SMARCA1: variants seen among roughly 807,000 people sequenced by gnomAD.
SMARCA1 encodes SWI/SNF-related matrix-associated actin-dependent regulator of chromatin subfamily A member 1.
Under a neutral mutation model 93.6 loss-of-function variants are expected in SMARCA1, and 17 were observed. The ratio of observed to expected loss-of-function variants is 0.18; its 90% CI spans 0.12 to 0.27. The LOEUF is 0.27. SMARCA1 is among the 10% of genes least tolerant of loss of function. The pLI is 1.00. For synonymous variants in SMARCA1, 271 were observed against 271.4 expected (o/e 1.00, Z 0.01); for missense variants, 630 against 819.0 (o/e 0.77, Z 2.82).
chrX:129,514,275 C>T (rs898106083), intron 5 of SMARCA1, among the ~76,000 whole-genome samples: 16 of 111,928 alleles, frequency 1.4e-4, no homozygotes, highest in African/African-American at 5.2e-4. Context: ...CGAGATCATG[C>T]CACTGCACTC....
intron 12 of SMARCA1, among the ~76,000 whole-genome samples, chrX:129,493,319 A>C (rs1020245078): frequency 8.9e-6 from 1 of 111,910 alleles, no homozygotes; most frequent in African/African-American, 3.2e-5. Context: ...CTTTACATAT[A>C]GTATATGAAG....
chrX:129,496,880 T>A lies in SMARCA1; in HGVS notation c.1505-9A>T. On this transcript the variant is annotated splice_polypyrimidine_tract_variant and intron_variant, in intron 11 of 24. Transcript: ENST00000371121. Reference sequence around the variant, plus strand: ...AATGAGAACCCTTGAACCTAAAACATTTCACCAAGAAAAAGTGAGTTGTAC... The same window carrying A: ...AATGAGAACCCTTGAACCTAAAACAATTCACCAAGAAAAAGTGAGTTGTAC... The A allele has an allele frequency of 8.4e-7, 1 of 1,191,326 alleles. No individual in the cohort carries two copies. The highest frequency in any genetic ancestry group is 3.0e-5 in the East Asian group (1 of 33,714).
chrX:129,462,173 G>T (rs190318690), intron 23 of SMARCA1, among the ~76,000 whole-genome samples: 1 of 111,984 alleles, frequency 8.9e-6, no homozygotes, highest in East Asian at 2.8e-4. Flanking sequence ...AAGCCAGATC[G>T]TTTTTAAAGG....
chrX:129,496,756 T>C lies in SMARCA1; in HGVS notation c.1620A>G (p.Glu540=). ...CRLDGQTPHE[E]REDKFLEVEF... Reference sequence around the variant, plus strand: ...TTTATTTTCTCTTCCTCACCTCTCTTTCTTCATGCGGGGTTTGTCCATCCA... The same window carrying C: ...TTTATTTTCTCTTCCTCACCTCTCTCTCTTCATGCGGGGTTTGTCCATCCA... Residue 540 remains glutamate, a synonymous_variant, in exon 12 of 25, where the codon GAA becomes GAG. Transcript: ENST00000371121. 8.3e-7 allele frequency: 1 copy of C among 1,204,765 alleles called. No homozygotes were observed. Among genetic ancestry groups the C allele is most frequent in the Non-Finnish European group, 1.1e-6 (1 of 892,476 alleles).
At chrX:129,510,300 G>A (rs1292056259) in intron 6 of SMARCA1, among the ~76,000 whole-genome samples, 1 of 112,578 alleles carries the variant, frequency 8.9e-6, no homozygotes, top group African/African-American at 3.2e-5. Context: ...CTCTCTCAAT[G>A]TTGCAGAAAA....
intron 8 of SMARCA1, among the ~76,000 whole-genome samples, chrX:129,505,221 C>T (rs1934764459): frequency 8.9e-6 from 1 of 111,899 alleles, no homozygotes; most frequent in South Asian, 3.7e-4. Flanking sequence ...AATTAACAGT[C>T]ATAATGGGGC....
At chrX:129,487,853 T>C (rs754207309) in intron 16 of SMARCA1, among the ~76,000 whole-genome samples, 31 of 112,369 alleles carry the variant, frequency 2.8e-4, no homozygotes, top group African/African-American at 9.7e-4. Context: ...GAATACTAAC[T>C]GGATATTTGG....
chrX:129,473,299 G>A (rs1039387656), intron 19 of SMARCA1, among the ~76,000 whole-genome samples: 8 of 111,353 alleles, frequency 7.2e-5, no homozygotes, highest in South Asian at 3.8e-4. Context: ...TAGAAATGAC[G>A]CATGATCATC....
At chrX:129,519,604 A>AT (rs746703596) in intron 1 of SMARCA1, among the ~76,000 whole-genome samples, 353 of 111,654 alleles carry the variant, frequency 3.2e-3, no homozygotes, top group African/African-American at 0.011. Context: ...CACTGATCAG[A>AT]TATCATTCAG....
At chrX:129,485,084 T>C (rs1268948248) in intron 17 of SMARCA1, among the ~76,000 whole-genome samples, 1 of 112,226 alleles carries the variant, frequency 8.9e-6, no homozygotes, top group Non-Finnish European at 1.9e-5. Flanking sequence ...TTGGGGGTGT[T>C]GCAGGGACCC....
At position 129,470,053 on chromosome X, in the gene SMARCA1, G is replaced by A. The variant is rs191168978; in HGVS notation, c.2566-1148C>T. On this transcript the variant is annotated intron_variant, in intron 20 of 24. Coordinates refer to ENST00000371121, the MANE Select transcript of SMARCA1 (RefSeq NM_001282874.2). ...GTGAAAATCCATACAATAAAATTAC[G>A]TTATAGCAAAAAAAACCTATATAAT... 2.1e-3 allele frequency among the ~76,000 whole-genome samples: 230 copies of A among 110,766 alleles called. 1 individual carries two copies. Among genetic ancestry groups the A allele is most frequent in the African/African-American group, 5.7e-3 (175 of 30,630 alleles).
At chrX:129,520,837 C>G (rs1195439708) in intron 1 of SMARCA1, among the ~76,000 whole-genome samples, 1 of 112,017 alleles carries the variant, frequency 8.9e-6, no homozygotes, top group Admixed American at 9.4e-5. Context: ...AAAAAGTGAT[C>G]GCTAACAGCC....
In SMARCA1 at chrX:129,516,337, G is replaced by A. The variant is rs1935201335; in HGVS notation, c.422C>T (p.Ala141Val). 1 of 1,207,735 alleles carries A rather than the reference G, an allele frequency of 8.3e-7. No individual in the cohort carries two copies. The highest frequency in any genetic ancestry group is 3.0e-5 in the East Asian group (1 of 33,799). Residue 141 changes from alanine to valine, a missense_variant, in exon 3 of 25, where the codon GCT becomes GTT. Transcript: ENST00000371121. The stretch of plus-strand genomic sequence containing the variant: ...GAGAGAGGTGCCAACATACTCTCCA[G>A]CAGAAATTAAGCTCTGCTTTTCATC... ...KKDEKQSLIS[A>V]GDYRHRRTEQ...
chrX:129,486,980 C>A, intron 17 of SMARCA1, 38 bp downstream of exon 17: 1 of 1,095,951 alleles, frequency 9.1e-7, no homozygotes. Flanking sequence ...GGGAGAAATG[C>A]TCATTTGAGG....
chrX:129,448,524 T>C, intron 23 of SMARCA1, 81 bp from the exon 24 acceptor site: 1 of 890,770 alleles, frequency 1.1e-6, no homozygotes, highest in Non-Finnish European at 1.6e-6. Flanking sequence ...AACTGTATGA[T>C]TTCTGTGGTA....
In SMARCA1 at chrX:129,480,721, G is replaced by T; in HGVS notation, c.2422C>A (p.Arg808=). Residue 808 remains arginine, a synonymous_variant, in exon 19 of 25, where the codon CGG becomes AGG. Coordinates refer to ENST00000371121, the MANE Select transcript of SMARCA1 (RefSeq NM_001282874.2). The part of the protein sequence containing the change: ...ELLEKEILYY[R]KTIGYKVPRN... The stretch of plus-strand genomic sequence containing the variant: ...AATACCTTATAGCCTATTGTCTTCC[G>T]ATAATAAAGAATTTCCTTTTCCAGG... 1 of 1,098,556 alleles carries T rather than the reference G, an allele frequency of 9.1e-7. No homozygotes were observed. The highest frequency in any genetic ancestry group is 2.4e-5 in the South Asian group (1 of 41,902). 90.5% of individuals were successfully genotyped at this position (1,098,556 alleles called of 1,213,427 possible). A position where few individuals can be genotyped will look rare whatever the true frequency, so the allele number is the denominator to read the frequency against.
rs887009000 is a variant in SMARCA1, at chrX:129,518,441, C to T, written c.181G>A (p.Val61Ile). ...EKGEKKKEKN[V>I]SSFQLKLAAK... is the part of the protein sequence containing the mutation. Reference sequence around the variant, plus strand: ...GCAAGTTTGAGTTGAAATGAAGAAACGTTTTTCTAGAATTTCAAAGAAAAT... The same window carrying T: ...GCAAGTTTGAGTTGAAATGAAGAAATGTTTTTCTAGAATTTCAAAGAAAAT... The change falls in exon 2 of 25, where the codon GTT becomes ATT. Residue 61 changes from valine to isoleucine, a missense_variant. Around this residue, in one of 4 missense-constraint regions of SMARCA1, gnomAD observed 103 missense variants for 82.0 expected, o/e 1.26. Coordinates refer to ENST00000371121, the MANE Select transcript of SMARCA1 (RefSeq NM_001282874.2). The T allele has an allele frequency of 3.4e-6, 4 of 1,178,005 alleles. No homozygotes were observed. Among genetic ancestry groups the T allele is most frequent in the African/African-American group, 1.8e-5 (1 of 56,855 alleles).
In SMARCA1 at chrX:129,496,878, C is replaced by T. The variant is rs745701690; in HGVS notation, c.1505-7G>A. On this transcript the variant is annotated splice_region_variant and splice_polypyrimidine_tract_variant and intron_variant, in intron 11 of 24. Coordinates refer to ENST00000371121, the MANE Select transcript of SMARCA1 (RefSeq NM_001282874.2). ...AAAATGAGAACCCTTGAACCTAAAA[C>T]ATTTCACCAAGAAAAAGTGAGTTGT... 2 of 1,193,648 alleles carry T rather than the reference C, an allele frequency of 1.7e-6. No individual in the cohort carries two copies. The highest frequency in any genetic ancestry group is 1.9e-5 in the South Asian group (1 of 53,971).
intron 1 of SMARCA1, 33 bp from the exon 2 acceptor site, chrX:129,518,480 T>C (rs187351989): frequency 1.0e-5 from 10 of 983,006 alleles, no homozygotes; most frequent in African/African-American, 1.9e-5. Flanking sequence ...TGTCACCAAA[T>C]TGCAAAGCAA....
Sources: gnomAD v4.1 joint callset for allele counts (sites outside exome capture counted in the v4.1 genomes callset) on GRCh38, gnomAD v4.1.1 for gene constraint, gnomAD v4.1.1 regional missense constraint, MANE v1.5 for transcripts, NCBI Gene and HGNC (gene_info 2026-07-23, HGNC 2026-07-21) for gene names.